The following CDH13 variants were observed in gnomAD, a reference collection of about 807,000 sequenced individuals.
The protein encoded by CDH13 is cadherin-13.
Under a neutral mutation model 63.8 loss-of-function variants are expected in CDH13, and 24 were observed. That is an observed-to-expected ratio of 0.38 (90% CI 0.27 to 0.53). CDH13 has a LOEUF of 0.53. CDH13 is among the 20% of genes least tolerant of loss of function. The pLI, the probability that CDH13 is intolerant of heterozygous loss-of-function variation, is 0.85. For missense variants in CDH13, 1,049 were observed against 903.1 expected, an observed-to-expected ratio of 1.16 and a Z score of -2.07; for synonymous variants, 503 against 355.3, an observed-to-expected ratio of 1.42 and a Z score of -4.67.
chr16:83,025,463 G>C (rs1915712462), intron 2 of CDH13, among the ~76,000 whole-genome samples: 1 of 152,182 alleles, frequency 6.6e-6, no homozygotes. Flanking sequence ...GAAATGCAGA[G>C]AGAAGGGGAA....
At chr16:83,310,974 C>G (rs1247833836) in intron 5 of CDH13, among the ~76,000 whole-genome samples, 6 of 152,224 alleles carry the variant, frequency 3.9e-5, no homozygotes, top group Non-Finnish European at 7.3e-5. Context: ...ACACAACACA[C>G]ACAAAGTACT....
At chr16:83,232,495 C>T (rs67699505) in intron 5 of CDH13, among the ~76,000 whole-genome samples, 16,639 of 150,968 alleles carry the variant, frequency 0.11, 1,085 homozygotes, top group Non-Finnish European at 0.15. Flanking sequence ...AGCTGCACTC[C>T]AGCCTGGGCA....
chr16:83,783,199 C>G (rs553635253), intron 12 of CDH13, 55 bp from the exon 13 acceptor site: 19 of 1,264,200 alleles, frequency 1.5e-5, no homozygotes, highest in Admixed American at 7.6e-5. Context: ...AAACCTCACT[C>G]TTTTATTGGA....
chr16:83,686,295 G>A (rs908863443), intron 10 of CDH13, among the ~76,000 whole-genome samples: 1 of 152,146 alleles, frequency 6.6e-6, no homozygotes, highest in Non-Finnish European at 1.5e-5. Context: ...TTGTGCTCAG[G>A]GAGAGTAACA....
rs185659813 is a variant in CDH13, at chr16:83,437,445, T to C, written c.782-49032T>C. Among the ~76,000 whole-genome samples, 1,170 of 151,780 alleles carry C rather than the reference T, an allele frequency of 7.7e-3. 10 individuals are homozygous for C. Among genetic ancestry groups the C allele is most frequent in the South Asian group, 0.034 (164 of 4,786 alleles). On this transcript the variant is annotated intron_variant, in intron 6 of 13. Coordinates refer to ENST00000567109, the MANE Select transcript of CDH13 (RefSeq NM_001257.5). Reference sequence around the variant, plus strand: ...AATCTCAGCGCTTTGAGAGGTCGAGTCAGGTGGATCACCTGAGATCAGGAG... The same window carrying C: ...AATCTCAGCGCTTTGAGAGGTCGAGCCAGGTGGATCACCTGAGATCAGGAG...
At chr16:82,974,773 A>C (rs1312573473) in intron 2 of CDH13, among the ~76,000 whole-genome samples, 1 of 152,228 alleles carries the variant, frequency 6.6e-6, no homozygotes, top group African/African-American at 2.4e-5. Flanking sequence ...AGTGGGCAGC[A>C]TGTAGAACAT....
intron 1 of CDH13, among the ~76,000 whole-genome samples, chr16:82,632,289 A>G (rs1208365132): frequency 3.3e-5 from 5 of 152,120 alleles, no homozygotes; most frequent in Non-Finnish European, 7.4e-5. Flanking sequence ...GATCAAATTG[A>G]TGCAGTTTAT....
intron 8 of CDH13, among the ~76,000 whole-genome samples, chr16:83,625,317 C>A (rs886635313): frequency 6.6e-6 from 1 of 152,152 alleles, no homozygotes; most frequent in South Asian, 2.1e-4. Flanking sequence ...AATTCTTCCA[C>A]GCTGGTTTAT....
chr16:82,951,522 C>T (rs1021309284), intron 2 of CDH13, among the ~76,000 whole-genome samples: 6 of 152,148 alleles, frequency 3.9e-5, no homozygotes, highest in African/African-American at 1.4e-4. Flanking sequence ...TCTAAAAGAA[C>T]CACATTTAGG....
chr16:83,462,216 A>G lies in CDH13; in HGVS notation c.782-24261A>G, dbSNP rs143759309. Among the ~76,000 whole-genome samples, 41 of 152,354 alleles carry G rather than the reference A, an allele frequency of 2.7e-4. No individual in the cohort carries two copies. In the East Asian group the frequency reaches 5.6e-3, roughly 21 times the overall value. The stretch of plus-strand genomic sequence containing the variant: ...CAGGCAAACCTGTGGTCTGTTCAGC[A>G]GGACCTGTCTCTGCTGCCTTAGCCC... On this transcript the variant is annotated intron_variant, in intron 6 of 13. Transcript: ENST00000567109.
intron 2 of CDH13, among the ~76,000 whole-genome samples, chr16:82,907,390 G>T (rs1252134989): frequency 6.6e-6 from 1 of 151,992 alleles, no homozygotes; most frequent in East Asian, 1.9e-4. Context: ...TCCCTTTACT[G>T]TAGGGATTAA....
At chr16:83,318,280 C>CTT (rs35379797) in intron 5 of CDH13, among the ~76,000 whole-genome samples, 1 of 152,152 alleles carries the variant, frequency 6.6e-6, no homozygotes, top group South Asian at 2.1e-4. Context: ...AATTGGGCCC[C>CTT]TTTCTCTTTT....
intron 1 of CDH13, among the ~76,000 whole-genome samples, chr16:82,767,628 T>C (rs923533091): frequency 1.3e-5 from 2 of 152,214 alleles, no homozygotes; most frequent in African/African-American, 4.8e-5. Context: ...ATGTTCTTTC[T>C]TTCCATCACT....
intron 7 of CDH13, among the ~76,000 whole-genome samples, chr16:83,529,975 G>A (rs142307181): frequency 6.6e-6 from 1 of 152,082 alleles, no homozygotes; most frequent in Non-Finnish European, 1.5e-5. Flanking sequence ...TGTGAAATGG[G>A]GTCGGGTAAG....
rs569581446 is a variant in CDH13, at chr16:83,034,838, G to C, written c.366+2620G>C. Reference sequence around the variant, plus strand: ...TTGTTTGTACCTCAAGTTTCTGTGAGATGCCATCCAGAGACAAAGCTCCCC... The same window carrying C: ...TTGTTTGTACCTCAAGTTTCTGTGACATGCCATCCAGAGACAAAGCTCCCC... On this transcript the variant is annotated intron_variant, in intron 3 of 13. Coordinates refer to ENST00000567109, the MANE Select transcript of CDH13 (RefSeq NM_001257.5). Among the ~76,000 whole-genome samples, 7 of 152,272 alleles carry C rather than the reference G, an allele frequency of 4.6e-5. No individual in the cohort carries two copies. The East Asian group carries it at 1.4e-3, about 29-fold the overall frequency.
At chr16:83,541,786 ACT>A (rs2150651573) in intron 7 of CDH13, among the ~76,000 whole-genome samples, 1 of 152,276 alleles carries the variant, frequency 6.6e-6, no homozygotes, top group South Asian at 2.1e-4. Flanking sequence ...CTAACATAAG[ACT>A]CTGCTCTACC....
intron 1 of CDH13, among the ~76,000 whole-genome samples, chr16:82,857,822 C>T (rs1338421422): frequency 2.0e-5 from 3 of 151,796 alleles, no homozygotes; most frequent in Admixed American, 1.3e-4. Flanking sequence ...GTATTTTATA[C>T]TTACAACATG....
chr16:83,591,253 C>T (rs759957432), intron 7 of CDH13, among the ~76,000 whole-genome samples: 3 of 152,180 alleles, frequency 2.0e-5, no homozygotes, highest in Non-Finnish European at 4.4e-5. Context: ...CTATGTCTTA[C>T]GTACCTGCTA....
chr16:82,857,105 G>A (rs1268040797), intron 1 of CDH13, among the ~76,000 whole-genome samples: 1 of 152,192 alleles, frequency 6.6e-6, no homozygotes, highest in Admixed American at 6.5e-5. Flanking sequence ...TGAGGGGAAT[G>A]GGTAGGACTC....
Sources: allele counts gnomAD v4.1 joint callset (sites outside exome capture counted in the v4.1 genomes callset), GRCh38; gene constraint gnomAD v4.1.1; transcripts MANE v1.5; gene names NCBI Gene and HGNC (gene_info 2026-07-23, HGNC 2026-07-21).